OXCT1: variants seen among roughly 807,000 people sequenced by gnomAD.
The protein encoded by OXCT1 is 3-oxoacid CoA-transferase 1, also known as succinyl-CoA:3-ketoacid coenzyme A transferase 1, mitochondrial.
A neutral mutation model predicts 69.6 loss-of-function variants in OXCT1; 27 were observed. The observed-to-expected ratio is 0.39, with a 90% CI of 0.29 to 0.54. OXCT1 has a LOEUF of 0.54. Ranked by LOEUF, OXCT1 falls within the 20% of genes least tolerant of loss-of-function variation. The pLI is 0.72. For missense variants in OXCT1, 437 were observed against 650.2 expected, an observed-to-expected ratio of 0.67 and a Z score of 3.57; for synonymous variants, 202 against 217.8, an observed-to-expected ratio of 0.93 and a Z score of 0.64.
At chr5:41,760,793 TA>T (rs1465643112) in intron 14 of OXCT1, among the ~76,000 whole-genome samples, 2 of 152,166 alleles carry the variant, frequency 1.3e-5, no homozygotes, top group African/African-American at 4.8e-5. Flanking sequence ...GTACCATTTC[TA>T]TTATTCCATA....
chr5:41,794,156 TA>T, intron 12 of OXCT1, 78 bp from the exon 13 acceptor site: 5 of 1,007,784 alleles, frequency 5.0e-6, no homozygotes, highest in Non-Finnish European at 8.0e-6. Flanking sequence ...GCAATTAGAA[TA>T]ACTTCATACC....
chr5:41,767,714 A>ATG (rs1360902771), intron 13 of OXCT1, among the ~76,000 whole-genome samples: 177 of 56,144 alleles, frequency 3.2e-3, no homozygotes, highest in East Asian at 0.011. Context: ...TCTAATATAT[A>ATG]TGTGTGTGTA....
chr5:41,844,132 C>CA (rs1328028180), intron 5 of OXCT1, among the ~76,000 whole-genome samples: 1 of 152,072 alleles, frequency 6.6e-6, no homozygotes, highest in Non-Finnish European at 1.5e-5. Context: ...GTCTACATAC[C>CA]AGCTGTTGCT....
intron 15 of OXCT1, among the ~76,000 whole-genome samples, chr5:41,742,966 T>C (rs1468399920): frequency 3.3e-5 from 5 of 152,228 alleles, no homozygotes; most frequent in Admixed American, 1.3e-4. Context: ...TATAGCAGCA[T>C]GATTTATAAT....
At chr5:41,798,447 A>G (rs1307526787) in intron 11 of OXCT1, among the ~76,000 whole-genome samples, 2 of 152,104 alleles carry the variant, frequency 1.3e-5, no homozygotes, top group South Asian at 2.1e-4. Flanking sequence ...TGGGATGTTT[A>G]TCAGCATCCC....
chr5:41,763,241 G>T (rs1744432668), intron 13 of OXCT1, among the ~76,000 whole-genome samples: 1 of 152,020 alleles, frequency 6.6e-6, no homozygotes, highest in Non-Finnish European at 1.5e-5. Flanking sequence ...GCAGTATGAA[G>T]AAAAGAAGTA....
At position 41,803,230 on chromosome 5, in the gene OXCT1, A is replaced by G. The variant is rs1318203568; in HGVS notation, c.956-67T>C. On this transcript the variant is annotated intron_variant, in intron 9 of 16. Coordinates refer to ENST00000196371, the MANE Select transcript of OXCT1 (RefSeq NM_000436.4). ...AGAAGTTATACCATAAATCTTCTAC[A>G]TATACAGATCTGAACAGAAGCTTTA... 21 of 1,029,654 alleles carry G rather than the reference A, an allele frequency of 2.0e-5. No homozygotes were observed. In the Admixed American group the frequency reaches 2.7e-4, roughly 13 times the overall value. The allele number at this position is 1,029,654 out of a possible 1,614,324, so 63.8% of individuals were successfully genotyped here.
At chr5:41,814,478 A>G (rs1431943913) in intron 7 of OXCT1, among the ~76,000 whole-genome samples, 2 of 152,138 alleles carry the variant, frequency 1.3e-5, no homozygotes, top group East Asian at 3.9e-4. Flanking sequence ...ACCAACCCAA[A>G]TGTCCAATAA....
chr5:41,777,365 G>A (rs1363604136), intron 13 of OXCT1, among the ~76,000 whole-genome samples: 1 of 152,102 alleles, frequency 6.6e-6, no homozygotes, highest in African/African-American at 2.4e-5. Context: ...GCAGTGAGCC[G>A]AGATCGTGCC....
At chr5:41,786,901 T>C (rs568052172) in intron 13 of OXCT1, among the ~76,000 whole-genome samples, 44 of 152,230 alleles carry the variant, frequency 2.9e-4, no homozygotes, top group African/African-American at 9.1e-4. Flanking sequence ...ACACTGGAAT[T>C]TGAAGAGAGA....
chr5:41,849,467 T>C (rs1393880100), intron 5 of OXCT1, among the ~76,000 whole-genome samples: 2 of 152,208 alleles, frequency 1.3e-5, no homozygotes, highest in African/African-American at 4.8e-5. Context: ...ATAATATGCC[T>C]AGGATAGATG....
At chr5:41,790,966 CTTTAAT>C (rs1352606953) in intron 13 of OXCT1, among the ~76,000 whole-genome samples, 10 of 152,122 alleles carry the variant, frequency 6.6e-5, no homozygotes, top group African/African-American at 2.2e-4. Context: ...AATATTTCCT[CTTTAAT>C]TTTAAGTAAT....
intron 13 of OXCT1, among the ~76,000 whole-genome samples, chr5:41,765,996 G>A (rs1380068570): frequency 6.6e-6 from 1 of 152,076 alleles, no homozygotes; most frequent in Non-Finnish European, 1.5e-5. Flanking sequence ...AGTGATACTT[G>A]GGGAAAATAG....
chr5:41,737,948 G>C (rs28429157), intron 16 of OXCT1, among the ~76,000 whole-genome samples: 1,798 of 152,186 alleles, frequency 0.012, 35 homozygotes, highest in African/African-American at 0.04. Context: ...CCAGCTGCTG[G>C]GGAGGCTGAG....
At chr5:41,765,152 T>C (rs970470593) in intron 13 of OXCT1, among the ~76,000 whole-genome samples, 5 of 152,160 alleles carry the variant, frequency 3.3e-5, no homozygotes, top group Non-Finnish European at 5.9e-5. Flanking sequence ...TCACTCCAGC[T>C]TAGCTAGGCA....
At chr5:41,760,933 G>A (rs1407207477) in intron 14 of OXCT1, among the ~76,000 whole-genome samples, 1 of 152,122 alleles carries the variant, frequency 6.6e-6, no homozygotes, top group South Asian at 2.1e-4. Context: ...GGGGAAGCAG[G>A]TGGGATGTGA....
intron 3 of OXCT1, among the ~76,000 whole-genome samples, chr5:41,854,343 G>T (rs1749331110): frequency 6.6e-6 from 1 of 151,808 alleles, no homozygotes. Context: ...TTTTTCATTG[G>T]GTGAAGGTCT....
At position 41,809,659 on chromosome 5, in the gene OXCT1, A is replaced by G. The variant is rs115236522; in HGVS notation, c.733-2221T>C. 5.6e-3 allele frequency among the ~76,000 whole-genome samples: 845 copies of G among 152,116 alleles called. 5 individuals carry two copies. Among genetic ancestry groups the G allele is most frequent in the Non-Finnish European group, 0.01 (682 of 67,962 alleles). Reference sequence around the variant, plus strand: ...ACATAATAAAAAAGGAAGAAAAAAAAGTATTGCTCACTTAAACTGAAAATG... The same window carrying G: ...ACATAATAAAAAAGGAAGAAAAAAAGGTATTGCTCACTTAAACTGAAAATG... On this transcript the variant is annotated intron_variant, in intron 7 of 16. Transcript: ENST00000196371.
rs1379984929 is a variant in OXCT1 at position 41,794,208 on chromosome 5, C to T, written c.1173-130G>A. Reference sequence around the variant, plus strand: ...CTTCCCCCACCACACAACTGATTTCCTAATAGATCAGCTCCATGCTGACAG... The same window carrying T: ...CTTCCCCCACCACACAACTGATTTCTTAATAGATCAGCTCCATGCTGACAG... On this transcript the variant is annotated intron_variant, in intron 12 of 16. Transcript: ENST00000196371. 1.1e-5 allele frequency: 8 copies of T among 739,114 alleles called. No homozygotes were observed. In the African/African-American group the frequency reaches 1.2e-4, roughly 11 times the overall value. The allele number at this position is 739,114 out of a possible 1,614,324, so 45.8% of individuals were successfully genotyped here. A position where few individuals can be genotyped will look rare whatever the true frequency, so the allele number is the denominator to read the frequency against.
Sources: allele counts gnomAD v4.1 joint callset (sites outside exome capture counted in the v4.1 genomes callset), GRCh38; gene constraint gnomAD v4.1.1; transcripts MANE v1.5; gene names NCBI Gene and HGNC (gene_info 2026-07-23, HGNC 2026-07-21).